The following MACROD2 variants were observed in gnomAD, a reference collection of about 807,000 sequenced individuals.
MACROD2 encodes ADP-ribose glycohydrolase MACROD2.
In MACROD2, 36 loss-of-function variants were observed where a neutral mutation model predicts 70.4. The ratio of observed to expected loss-of-function variants is 0.51; its 90% confidence interval spans 0.39 to 0.68. The LOEUF (loss-of-function observed/expected upper bound fraction) is 0.68. Among genes scored for constraint, MACROD2 ranks in the 30% least tolerant of loss-of-function variants. MACROD2 has a pLI of 0.00. For missense variants in MACROD2, 496 were observed against 538.4 expected (o/e 0.92, Z 0.78); for synonymous variants, 172 against 178.8 (o/e 0.96, Z 0.30).
In MACROD2 at chr20:14,643,468, TG is replaced by T. The variant is rs150057344; in HGVS notation, c.302-41374del. On this transcript the variant is annotated intron_variant, in intron 4 of 17. Transcript: ENST00000684519. ...ACTAGTGCAAATGGCACTGACATTTTGTGAAAACATTGTAAAAAGTTTGATT... is the reference window on the plus strand; with the variant it reads ...ACTAGTGCAAATGGCACTGACATTTTTGAAAACATTGTAAAAAGTTTGATT... Among the ~76,000 whole-genome samples, 214 of 152,278 alleles carry T rather than the reference TG, an allele frequency of 1.4e-3. 1 individual carries two copies. The highest frequency in any genetic ancestry group is 4.8e-3 in the African/African-American group (198 of 41,518).
intron 8 of MACROD2, among the ~76,000 whole-genome samples, chr20:15,674,458 A>C (rs1307195501): frequency 6.6e-6 from 1 of 152,092 alleles, no homozygotes; most frequent in African/African-American, 2.4e-5. Flanking sequence ...GCGAGTCATC[A>C]ATAATAGAAT....
chr20:15,505,719 C>T (rs2047417980), intron 8 of MACROD2, among the ~76,000 whole-genome samples: 2 of 152,116 alleles, frequency 1.3e-5, no homozygotes, highest in African/African-American at 4.8e-5. Context: ...CTTTGAAGGC[C>T]TTTGGCTAGG....
At chr20:15,325,033 AT>A (rs1416871425) in intron 6 of MACROD2, among the ~76,000 whole-genome samples, 1 of 141,576 alleles carries the variant, frequency 7.1e-6, no homozygotes, top group African/African-American at 2.5e-5. Flanking sequence ...ACTGATAAAA[AT>A]TTTGGCTCTT....
In MACROD2 at chr20:14,322,778, TAG is replaced by T. The variant is rs1420666422; in HGVS notation, c.272-170700_272-170699del. Reference sequence around the variant, plus strand: ...GGCAAACATTTGTTGACCATAATAATAGTAGTAACTTGTATTTTGTAGAAGAT... The same window carrying T: ...GGCAAACATTTGTTGACCATAATAATTAGTAACTTGTATTTTGTAGAAGAT... On this transcript the variant is annotated intron_variant, in intron 3 of 17. Transcript: ENST00000684519. 3.9e-5 allele frequency among the ~76,000 whole-genome samples: 6 copies of T among 152,272 alleles called. No homozygotes were observed. In the East Asian group the frequency reaches 7.7e-4, roughly 20 times the overall value.
At chr20:14,108,430 A>G (rs1409433104) in intron 3 of MACROD2, among the ~76,000 whole-genome samples, 1 of 151,790 alleles carries the variant, frequency 6.6e-6, no homozygotes, top group Non-Finnish European at 1.5e-5. Flanking sequence ...TTGAATGTAA[A>G]TGGACTTAAG....
intron 5 of MACROD2, among the ~76,000 whole-genome samples, chr20:14,921,335 C>T (rs1269581282): frequency 2.6e-5 from 4 of 152,162 alleles, no homozygotes; most frequent in African/African-American, 9.6e-5. Context: ...TGCTCATGTA[C>T]ATTTAGGAGG....
At chr20:14,384,011 A>G (rs2083447506) in intron 3 of MACROD2, among the ~76,000 whole-genome samples, 1 of 152,112 alleles carries the variant, frequency 6.6e-6, no homozygotes, top group Non-Finnish European at 1.5e-5. Flanking sequence ...TTAACCATTC[A>G]TTTCTTAAGC....
At chr20:15,961,804 C>G (rs1370225622) in intron 12 of MACROD2, among the ~76,000 whole-genome samples, 2 of 152,188 alleles carry the variant, frequency 1.3e-5, no homozygotes, top group Non-Finnish European at 2.9e-5. Context: ...ATACTTCTCA[C>G]ACCCATGGCC....
chr20:15,157,753 A>G (rs2076319612), intron 5 of MACROD2, among the ~76,000 whole-genome samples: 1 of 152,142 alleles, frequency 6.6e-6, no homozygotes, highest in Non-Finnish European at 1.5e-5. Flanking sequence ...ATCTGAGTAC[A>G]GGACAAGAGA....
At chr20:15,566,776 G>A (rs2048316117) in intron 8 of MACROD2, among the ~76,000 whole-genome samples, 1 of 152,122 alleles carries the variant, frequency 6.6e-6, no homozygotes. Flanking sequence ...TATCTCAAAA[G>A]CCTCCCCTGT....
intron 8 of MACROD2, among the ~76,000 whole-genome samples, chr20:15,507,768 A>T (rs960779639): frequency 6.6e-6 from 1 of 152,220 alleles, no homozygotes; most frequent in African/African-American, 2.4e-5. Flanking sequence ...CTGCTTTAGC[A>T]TCTCTCACAA....
chr20:14,513,279 G>A (rs766236379), intron 4 of MACROD2, among the ~76,000 whole-genome samples: 1 of 152,008 alleles, frequency 6.6e-6, no homozygotes, highest in African/African-American at 2.4e-5. Flanking sequence ...TAAATTCTCT[G>A]AGCAAATGCC....
intron 5 of MACROD2, among the ~76,000 whole-genome samples, chr20:14,794,089 C>T (rs1332309416): frequency 6.6e-6 from 1 of 152,060 alleles, no homozygotes; most frequent in Non-Finnish European, 1.5e-5. Context: ...TAGCACAGGT[C>T]TGTTTTAGCA....
chr20:15,539,481 G>C (rs932897507), intron 8 of MACROD2, among the ~76,000 whole-genome samples: 4 of 152,116 alleles, frequency 2.6e-5, no homozygotes, highest in Non-Finnish European at 4.4e-5. Flanking sequence ...GTCTATTCCA[G>C]CAATTGCTTC....
At chr20:14,035,925 G>A (rs1277590853) in intron 2 of MACROD2, among the ~76,000 whole-genome samples, 2 of 152,210 alleles carry the variant, frequency 1.3e-5, no homozygotes, top group Non-Finnish European at 2.9e-5. Context: ...GGCGGATCAC[G>A]AGGTCAGGAG....
At chr20:15,508,884 C>T (rs933401496) in intron 8 of MACROD2, among the ~76,000 whole-genome samples, 3 of 152,192 alleles carry the variant, frequency 2.0e-5, no homozygotes, top group Admixed American at 6.5e-5. Flanking sequence ...AGTCACAGAA[C>T]CCATTCTGTT....
At chr20:14,711,975 A>G (rs2071344351) in intron 5 of MACROD2, among the ~76,000 whole-genome samples, 1 of 152,134 alleles carries the variant, frequency 6.6e-6, no homozygotes, top group Admixed American at 6.6e-5. Context: ...TAGAACACTC[A>G]CTTTTTCACA....
chr20:14,884,000 G>T (rs77007406), intron 5 of MACROD2, among the ~76,000 whole-genome samples: 3,772 of 152,248 alleles, frequency 0.025, 135 homozygotes, highest in African/African-American at 0.083. Flanking sequence ...AATATATTCT[G>T]TCAGTTCTCT....
intron 2 of MACROD2, among the ~76,000 whole-genome samples, chr20:14,061,796 A>T (rs1403244965): frequency 6.6e-6 from 1 of 152,182 alleles, no homozygotes; most frequent in African/African-American, 2.4e-5. Flanking sequence ...CAGTAAGCTG[A>T]TAGCTCTTAC....
Sources: gnomAD v4.1 joint callset for allele counts (sites outside exome capture counted in the v4.1 genomes callset) on GRCh38, gnomAD v4.1.1 for gene constraint, MANE v1.5 for transcripts, NCBI Gene and HGNC (gene_info 2026-07-23, HGNC 2026-07-21) for gene names.